ZNF582: variants seen among roughly 807,000 people sequenced by gnomAD.
The protein encoded by ZNF582 is zinc finger protein 582.
In ZNF582, 14 loss-of-function variants were observed where a neutral mutation model predicts 12.3. That is an observed-to-expected ratio of 1.14 (90% CI 0.75 to 1.78). The LOEUF is 1.78. Ranked by LOEUF, ZNF582 falls within the 40% of genes most tolerant of loss-of-function variation. The probability of loss-of-function intolerance (pLI) is 0.00; values close to 1 mark genes in which losing one functional copy is unlikely to be tolerated. For synonymous variants in ZNF582, 210 were observed against 207.2 expected, an observed-to-expected ratio of 1.01 and a Z score of -0.11; for missense variants, 567 against 616.5, an observed-to-expected ratio of 0.92 and a Z score of 0.85.
At chr19:56,387,291 T>G (rs190321637) in intron 4 of ZNF582, 29 of 152,328 alleles carry the variant, frequency 1.9e-4, no homozygotes, top group Admixed American at 8.5e-4. Context: ...TTTGTCTGGG[T>G]TTTAGATATG....
chr19:56,390,483 CCCT>C (rs1238003106), exon 3 of ZNF582: 2 of 1,613,972 alleles, frequency 1.2e-6, no homozygotes, highest in South Asian at 2.2e-5. Flanking sequence ...ATGGCCACAT[CCCT>C]GAACAATTCT....
chr19:56,391,635 C>T (rs1057216438), intron 2 of ZNF582, 109 bp downstream of exon 2: 13 of 924,832 alleles, frequency 1.4e-5, no homozygotes, highest in Non-Finnish European at 2.1e-5. Flanking sequence ...CCTGCCTGGT[C>T]CTTTTATTCC....
chr19:56,385,238 G>A (rs538442072), intron 4 of ZNF582, 54 bp from the exon 5 acceptor site: 2 of 1,506,224 alleles, frequency 1.3e-6, no homozygotes, highest in South Asian at 2.7e-5. Flanking sequence ...CCAGATAAAG[G>A]AACTAAAATA....
chr19:56,386,364 A>G (rs2041966009), intron 4 of ZNF582: 1 of 152,230 alleles, frequency 6.6e-6, no homozygotes, highest in Admixed American at 6.5e-5. Flanking sequence ...GTTGAACGCC[A>G]TGGCTGAAGC....
exon 5 of ZNF582, chr19:56,384,031 A>G: frequency 6.2e-7 from 1 of 1,613,514 alleles, no homozygotes; most frequent in Non-Finnish European, 8.5e-7. Flanking sequence ...TAGTTGAATC[A>G]TGACTCAAGG....
intron 4 of ZNF582, among the ~76,000 whole-genome samples, chr19:56,387,946 C>T (rs1011017407): frequency 2.6e-5 from 4 of 152,064 alleles, no homozygotes; most frequent in Admixed American, 6.6e-5. Flanking sequence ...CTTGCTTATG[C>T]GAAGATTTAT....
At chr19:56,384,520 T>C in exon 5 of ZNF582, 1 of 1,613,588 alleles carries the variant, frequency 6.2e-7, no homozygotes, top group Non-Finnish European at 8.5e-7. Context: ...TATAATGTAC[T>C]TTAAGATGTG....
At chr19:56,388,035 A>G (rs182960870) in intron 4 of ZNF582, among the ~76,000 whole-genome samples, 98 of 152,164 alleles carry the variant, frequency 6.4e-4, no homozygotes, top group African/African-American at 2.3e-3. Flanking sequence ...GCATTCTTGC[A>G]TTTATGTACA....
At chr19:56,390,211 G>C (rs1231502764) in intron 3 of ZNF582, 115 bp from the exon 4 acceptor site, 2 of 1,345,240 alleles carry the variant, frequency 1.5e-6, no homozygotes, top group East Asian at 4.6e-5. Context: ...GAGGAAGATG[G>C]GACAGTTGCC....
exon 5 of ZNF582, chr19:56,384,799 C>T: frequency 6.3e-7 from 1 of 1,598,084 alleles, no homozygotes; most frequent in Non-Finnish European, 8.5e-7. Context: ...ATTTAAAGGC[C>T]TTCCCACATT....
At chr19:56,393,239 G>A in exon 1 of ZNF582, 1 of 1,252,004 alleles carries the variant, frequency 8.0e-7, no homozygotes, top group African/African-American at 1.6e-5. Flanking sequence ...CCATGCACCT[G>A]GGCTATGAGG....
intron 4 of ZNF582, among the ~76,000 whole-genome samples, chr19:56,389,519 A>C (rs946811484): frequency 6.6e-6 from 1 of 152,134 alleles, no homozygotes; most frequent in Non-Finnish European, 1.5e-5. Flanking sequence ...TGGGCCTTTC[A>C]GAGAATGGAA....
At chr19:56,393,345 G>T (rs769393570) in exon 1 of ZNF582, 2 of 1,031,058 alleles carry the variant, frequency 1.9e-6, no homozygotes, top group Non-Finnish European at 2.6e-6. Flanking sequence ...ACGATGAGGC[G>T]AGACGTCTGC....
chr19:56,384,525 GA>G lies in ZNF582; in HGVS notation c.891del (p.Val300TyrfsTer27), dbSNP rs758560026. The stretch of plus-strand genomic sequence containing the variant: ...GTATGAATTCTATAATGTACTTTAA[GA>G]TGTGAGATCCGATTGAAGGCCTTGC... On this transcript the variant is annotated frameshift_variant, in exon 5 of 5. Transcript: ENST00000586929. LOFTEE classifies it low-confidence loss of function (END_TRUNC). 9 of 1,613,646 alleles carry G rather than the reference GA, an allele frequency of 5.6e-6. 1 individual carries two copies. In the South Asian group the frequency reaches 9.9e-5, roughly 18 times the overall value.
chr19:56,385,761 A>AAGACAAAT (rs1349582142), intron 4 of ZNF582, among the ~76,000 whole-genome samples: 2 of 152,130 alleles, frequency 1.3e-5, no homozygotes, highest in African/African-American at 2.4e-5. Flanking sequence ...GACTCTAGAA[A>AAGACAAAT]AGACAAATAT....
chr19:56,384,594 G>A lies in ZNF582; in HGVS notation c.823C>T (p.Arg275Ter), dbSNP rs765568824. The A allele has an allele frequency of 9.3e-6, 15 of 1,613,690 alleles. No homozygotes were observed. Among genetic ancestry groups the A allele is most frequent in the East Asian group, 2.2e-5 (1 of 44,824 alleles). ...TAGGGTTTCTCGCCTGTGTGAGTTC[G>A]CTGATGTTCAATCAACTGTGAGCTT... Residue 275 changes from arginine (R) to a stop codon, truncating the protein, a stop_gained, in exon 5 of 5, where the codon CGA (arginine) becomes TGA (stop). Transcript: ENST00000586929. LOFTEE classifies it low-confidence loss of function (END_TRUNC).
At chr19:56,386,973 T>C (rs8101813) in intron 4 of ZNF582, among the ~76,000 whole-genome samples, 16,007 of 152,316 alleles carry the variant, frequency 0.11, 1,122 homozygotes, top group East Asian at 0.32. Flanking sequence ...AATGCACCTT[T>C]TCATACTTTA....
intron 1 of ZNF582, 22 bp from the exon 2 acceptor site, chr19:56,391,854 A>G: frequency 6.2e-7 from 1 of 1,604,374 alleles, no homozygotes; most frequent in African/African-American, 1.3e-5. Flanking sequence ...AAGAGCAAAC[A>G]TGAGAGGCTA....
exon 5 of ZNF582, chr19:56,384,923 T>G (rs1477378853): frequency 6.2e-7 from 1 of 1,614,008 alleles, no homozygotes. Flanking sequence ...TTCTCTAGTA[T>G]GAATTTTCTG....
Sources: allele counts gnomAD v4.1 joint callset (sites outside exome capture counted in the v4.1 genomes callset), GRCh38; gene constraint gnomAD v4.1.1; transcripts MANE v1.5; gene names NCBI Gene and HGNC (gene_info 2026-07-23, HGNC 2026-07-21).